Variants in NXN observed in about 807,000 individuals in gnomAD.
The protein encoded by NXN is nucleoredoxin 1.
Under a neutral mutation model 48.6 loss-of-function variants are expected in NXN, and 16 were observed. The ratio of observed to expected loss-of-function variants is 0.33; its 90% CI spans 0.22 to 0.50. The LOEUF is 0.50. Ranked by LOEUF, NXN falls within the 20% of genes least tolerant of loss-of-function variation. The probability of loss-of-function intolerance (pLI) is 0.98; values close to 1 mark genes in which losing one functional copy is unlikely to be tolerated. For missense variants in NXN, 492 were observed against 605.5 expected, an observed-to-expected ratio of 0.81 and a Z score of 1.97; for synonymous variants, 281 against 269.6, an observed-to-expected ratio of 1.04 and a Z score of -0.41.
intron 1 of NXN, among the ~76,000 whole-genome samples, chr17:922,281 A>C (rs2068757306): frequency 6.6e-6 from 1 of 152,052 alleles, no homozygotes; most frequent in African/African-American, 2.4e-5. Flanking sequence ...ATCTCTAAAA[A>C]TACAAAAATT....
rs111754256 is a variant in NXN, at chr17:848,357, G to T, written c.361-22279C>A. On this transcript the variant is annotated intron_variant, in intron 1 of 7. Transcript: ENST00000336868. ...GTTTCACCATGTTGGCCAGGGCTGG[G>T]CTCAAACTCCTGACCTCAGGTGATC... Among the ~76,000 whole-genome samples the T allele has an allele frequency of 5.1e-3, 780 of 152,182 alleles. 5 individuals carry two copies. The highest frequency in any genetic ancestry group is 0.017 in the African/African-American group (705 of 41,526).
chr17:828,404 T>A (rs1189139225), intron 1 of NXN, among the ~76,000 whole-genome samples: 1 of 51,160 alleles, frequency 2.0e-5, no homozygotes, highest in Non-Finnish European at 3.4e-5. Context: ...GTGCCTGGCC[T>A]TTTTTTTTTT....
intron 1 of NXN, among the ~76,000 whole-genome samples, chr17:972,653 G>A (rs1377819174): frequency 4.6e-5 from 7 of 152,228 alleles, no homozygotes; most frequent in East Asian, 3.9e-4. Context: ...GTTCAACCCC[G>A]ACCCCAGCTG....
chr17:937,786 C>T (rs187820450), intron 1 of NXN, among the ~76,000 whole-genome samples: 456 of 152,326 alleles, frequency 3.0e-3, no homozygotes, highest in African/African-American at 9.4e-3. Flanking sequence ...ATTCACGGGG[C>T]GTTCGATGAT....
At chr17:824,659 G>A (rs1913002302) in intron 2 of NXN, among the ~76,000 whole-genome samples, 1 of 152,198 alleles carries the variant, frequency 6.6e-6, no homozygotes, top group Non-Finnish European at 1.5e-5. Context: ...TGGGCTCAGG[G>A]AGCCAAGTGA....
chr17:923,914 C>G (rs570147969), intron 1 of NXN, among the ~76,000 whole-genome samples: 1 of 152,190 alleles, frequency 6.6e-6, no homozygotes, highest in East Asian at 1.9e-4. Flanking sequence ...AACGACAAAA[C>G]GACAGGTATA....
intron 1 of NXN, among the ~76,000 whole-genome samples, chr17:848,652 C>G (rs2067891484): frequency 6.6e-6 from 1 of 152,214 alleles, no homozygotes; most frequent in Non-Finnish European, 1.5e-5. Context: ...TACTTCCAAA[C>G]AGCGAACTCA....
At chr17:957,935 C>T (rs971348176) in intron 1 of NXN, among the ~76,000 whole-genome samples, 5 of 152,124 alleles carry the variant, frequency 3.3e-5, no homozygotes. Flanking sequence ...GTTCCTGGGG[C>T]TCTGCCAAGG....
At chr17:976,196 T>TA (rs978715810) in intron 1 of NXN, among the ~76,000 whole-genome samples, 7 of 152,016 alleles carry the variant, frequency 4.6e-5, no homozygotes, top group Non-Finnish European at 7.4e-5. Flanking sequence ...GTCCTTTTTT[T>TA]TTTTGGTGTT....
chr17:977,926 G>A (rs528763207), intron 1 of NXN, among the ~76,000 whole-genome samples: 3 of 152,314 alleles, frequency 2.0e-5, no homozygotes, highest in Admixed American at 6.5e-5. Flanking sequence ...CCTCTGAGTG[G>A]TTAGTGAACC....
intron 5 of NXN, chr17:819,152 G>A: frequency 2.4e-6 from 1 of 413,650 alleles, no homozygotes; most frequent in South Asian, 2.1e-5. Flanking sequence ...TCACCGTGTT[G>A]TCCAAACTGG....
Position 801,439 on chromosome 17 carries a change from C to CT in NXN, c.1126-309_1126-308insA, listed in dbSNP as rs1413442229. ...CGTCCTCAGCATTTTAGAAATGTCA[C>CT]ATTCTTTTTTTTTTTTTTTTTTTTG... On this transcript the variant is annotated intron_variant, in intron 7 of 7. Transcript: ENST00000336868. Among the ~76,000 whole-genome samples, 5 of 109,858 alleles carry CT rather than the reference C, an allele frequency of 4.6e-5. No homozygotes were observed. The East Asian group carries it at 1.5e-3, about 33-fold the overall frequency. 72.1% of individuals were successfully genotyped at this position (109,858 alleles called of 152,430 possible).
chr17:926,519 T>C (rs535102592), intron 1 of NXN, among the ~76,000 whole-genome samples: 1 of 144,602 alleles, frequency 6.9e-6, no homozygotes, highest in East Asian at 2.1e-4. Context: ...TTAACAGGAG[T>C]ATCCCATGTT....
intron 1 of NXN, among the ~76,000 whole-genome samples, chr17:826,670 C>A (rs1913120183): frequency 6.6e-6 from 1 of 151,704 alleles, no homozygotes; most frequent in Non-Finnish European, 1.5e-5. Context: ...TCTGCCCCCT[C>A]AGCCCTTCAC....
rs147230155 is a variant in NXN at position 842,571 on chromosome 17, G to A, written c.361-16493C>T. 8,888 of 985,326 alleles carry A rather than the reference G, an allele frequency of 9.0e-3. 67 individuals are homozygous for A. Among genetic ancestry groups the A allele is most frequent in the South Asian group, 0.034 (720 of 21,272 alleles). The allele number at this position is 985,326 out of a possible 1,614,324, so 61.0% of individuals were successfully genotyped here. On this transcript the variant is annotated intron_variant, in intron 1 of 7. Transcript: ENST00000336868. ...GCACCTACGGCACATCCCGAGACAC[G>A]TGGGGGCCCGTCTCCTCCTCCTTCC... is the stretch of plus-strand genomic sequence containing the variant.
chr17:926,554 T>G (rs886794509), intron 1 of NXN, among the ~76,000 whole-genome samples: 13 of 95,620 alleles, frequency 1.4e-4, no homozygotes, highest in African/African-American at 3.8e-4. Flanking sequence ...TGTTTTTTTG[T>G]TTTTTTTTTG....
intron 1 of NXN, among the ~76,000 whole-genome samples, chr17:831,395 G>A (rs60266748): frequency 0.014 from 2,134 of 152,154 alleles, 55 homozygotes; most frequent in African/African-American, 0.049. Flanking sequence ...GAGCACTGGG[G>A]AGGTGGGTCT....
At chr17:812,618 G>A (rs570311065) in intron 5 of NXN, among the ~76,000 whole-genome samples, 2 of 149,248 alleles carry the variant, frequency 1.3e-5, no homozygotes, top group Non-Finnish European at 3.0e-5. Context: ...TTGTGTGAGT[G>A]TAGGTGAGTG....
chr17:900,189 CG>C (rs60567421), intron 1 of NXN, among the ~76,000 whole-genome samples: 4,047 of 151,972 alleles, frequency 0.027, 143 homozygotes, highest in East Asian at 0.19. Flanking sequence ...CGCTTGAACC[CG>C]GGGGGGCAGA....
Sources: allele counts gnomAD v4.1 joint callset (sites outside exome capture counted in the v4.1 genomes callset), GRCh38; gene constraint gnomAD v4.1.1; transcripts MANE v1.5; gene names NCBI Gene and HGNC (gene_info 2026-07-23, HGNC 2026-07-21).